Variants in MAP2K2 observed in about 807,000 individuals in gnomAD.
MAP2K2 encodes dual specificity mitogen-activated protein kinase kinase 2.
Under a neutral mutation model 43.7 loss-of-function variants are expected in MAP2K2, and 24 were observed. That is an observed-to-expected ratio of 0.55 (90% CI 0.40 to 0.77). The LOEUF is 0.77. MAP2K2 is among the 30% of genes least tolerant of loss of function. The probability of loss-of-function intolerance (pLI) is 0.00; values close to 1 mark genes in which losing one functional copy is unlikely to be tolerated. For synonymous variants in MAP2K2, 244 were observed against 239.7 expected, an observed-to-expected ratio of 1.02 and a Z score of -0.17; for missense variants, 470 against 566.8, an observed-to-expected ratio of 0.83 and a Z score of 1.73.
chr19:4,121,297 G>A (rs978977162), intron 1 of MAP2K2, among the ~76,000 whole-genome samples: 2 of 151,740 alleles, frequency 1.3e-5, no homozygotes, highest in Admixed American at 6.6e-5. Flanking sequence ...AGGGTTTTCC[G>A]GTCCACTCAC....
chr19:4,123,714 C>CG (rs2041333698), intron 1 of MAP2K2, 70 bp downstream of exon 1: 1 of 1,225,168 alleles, frequency 8.2e-7, no homozygotes, highest in Admixed American at 2.3e-5. Context: ...CCCGTCCCCT[C>CG]GCCCCGTCCT....
rs564458253 is a variant in MAP2K2, at chr19:4,105,622, C to T, written c.451-3169G>A. Among the ~76,000 whole-genome samples the T allele has an allele frequency of 2.3e-4, 35 of 152,196 alleles. 1 individual carries two copies. In the South Asian group the frequency reaches 7.1e-3, roughly 31 times the overall value. On this transcript the variant is annotated intron_variant, in intron 3 of 10. Coordinates refer to ENST00000262948, the MANE Select transcript of MAP2K2 (RefSeq NM_030662.4). ...AAATGAGGATAAATAACCTGGACGC[C>T]GCATCACTTCCACCATTCCCCCCTC...
intron 8 of MAP2K2, among the ~76,000 whole-genome samples, chr19:4,095,735 G>C (rs563754555): frequency 6.6e-6 from 1 of 152,306 alleles, no homozygotes; most frequent in African/African-American, 2.4e-5. Flanking sequence ...ACTGGCTGAA[G>C]GATGAGCTTT....
chr19:4,094,116 G>A (rs1455882638), intron 10 of MAP2K2, among the ~76,000 whole-genome samples: 1 of 152,158 alleles, frequency 6.6e-6, no homozygotes, highest in Non-Finnish European at 1.5e-5. Flanking sequence ...AGCCTGGGGG[G>A]CTGAGAGCTG....
rs754109836 is a variant in MAP2K2 at position 4,102,394 on chromosome 19, C to T, written c.510G>A (p.Leu170=). The change falls in exon 4 of 11, where the codon CTG becomes CTA. Residue 170 remains leucine (L), a synonymous_variant. Transcript: ENST00000262948. ...KEAKRIPEEI[L]GKVSIAVLRG... is the part of the protein sequence containing the mutation. Reference sequence around the variant, plus strand: ...GACTCACCGCGATGCTGACTTTCCCCAGGATCTCCTCGGGAATCCTCTTGG... The same window carrying T: ...GACTCACCGCGATGCTGACTTTCCCTAGGATCTCCTCGGGAATCCTCTTGG... The T allele has an allele frequency of 7.5e-6, 12 of 1,604,524 alleles. No individual in the cohort carries two copies. The highest frequency in any genetic ancestry group is 1.3e-5 in the African/African-American group (1 of 74,998).
intron 6 of MAP2K2, chr19:4,100,265 A>AACC (rs2040985146): frequency 6.6e-6 from 1 of 151,822 alleles, no homozygotes; most frequent in Admixed American, 6.6e-5. Context: ...CAACAACAAC[A>AACC]AAAACAAAAA....
intron 10 of MAP2K2, among the ~76,000 whole-genome samples, chr19:4,091,859 G>C (rs2040858448): frequency 6.6e-6 from 1 of 152,194 alleles, no homozygotes; most frequent in Non-Finnish European, 1.5e-5. Context: ...ATGTTGCCCA[G>C]GCTGGTCTCG....
At chr19:4,098,907 G>A (rs2040959409) in intron 7 of MAP2K2, among the ~76,000 whole-genome samples, 1 of 152,272 alleles carries the variant, frequency 6.6e-6, no homozygotes, top group South Asian at 2.1e-4. Flanking sequence ...GGGATAAAAT[G>A]TTGGAAAATC....
At position 4,124,081 on chromosome 19, in the gene MAP2K2, C is replaced by T; in HGVS notation, c.-206G>A. The T allele has an allele frequency of 4.7e-6, 1 of 213,562 alleles. No homozygotes were observed. The allele number at this position is 213,562 out of a possible 1,614,324, so 13.2% of individuals were successfully genotyped here. A position where few individuals can be genotyped will look rare whatever the true frequency, so the allele number is the denominator to read the frequency against. On this transcript the variant is annotated 5_prime_UTR_variant, in exon 1 of 11. Coordinates refer to ENST00000262948, the MANE Select transcript of MAP2K2 (RefSeq NM_030662.4). ...GAGGCGAGCGAGCCGCTACCGCTGC[C>T]GAGGCCCGAAGAAGGCTGACGCCGC... is the stretch of plus-strand genomic sequence containing the variant.
chr19:4,108,148 G>A (rs2041109914), intron 3 of MAP2K2, among the ~76,000 whole-genome samples: 1 of 152,220 alleles, frequency 6.6e-6, no homozygotes, highest in Admixed American at 6.5e-5. Flanking sequence ...GAGGATGGCA[G>A]GGATGGCCCC....
chr19:4,102,535 G>T (rs973546318), intron 3 of MAP2K2, 82 bp from the exon 4 acceptor site: 1 of 1,125,490 alleles, frequency 8.9e-7, no homozygotes, highest in Non-Finnish European at 1.3e-6. Context: ...TCCCGGCGAG[G>T]GGGTGGTCTG....
Position 4,097,485 on chromosome 19 carries a change from T to G in MAP2K2, c.920-142A>C, listed in dbSNP as rs1160902662. 3 of 677,860 alleles carry G rather than the reference T, an allele frequency of 4.4e-6. No individual in the cohort carries two copies. In the East Asian group the frequency reaches 8.1e-5, roughly 18 times the overall value. 42.0% of individuals were successfully genotyped at this position (677,860 alleles called of 1,614,324 possible). ...ATTGGAGGCGGGTGTGCAGAGGCAC[T>G]GGACAAAGCTCCCCTGCCTGACTCT... is the stretch of plus-strand genomic sequence containing the variant. On this transcript the variant is annotated intron_variant, in intron 7 of 10. Coordinates refer to ENST00000262948, the MANE Select transcript of MAP2K2 (RefSeq NM_030662.4).
chr19:4,105,508 G>A (rs1035502938), intron 3 of MAP2K2, among the ~76,000 whole-genome samples: 2 of 151,986 alleles, frequency 1.3e-5, no homozygotes, highest in Non-Finnish European at 2.9e-5. Flanking sequence ...TCCTGACCTC[G>A]TGATCCGCCC....
At chr19:4,103,682 C>T (rs1247296424) in intron 3 of MAP2K2, among the ~76,000 whole-genome samples, 1 of 152,212 alleles carries the variant, frequency 6.6e-6, no homozygotes, top group African/African-American at 2.4e-5. Context: ...CAGGGGTGCC[C>T]GGGTTGCCGC....
At chr19:4,099,442 C>T (rs1171772039) in intron 6 of MAP2K2, 28 bp from the exon 7 acceptor site, 1 of 1,566,046 alleles carries the variant, frequency 6.4e-7, no homozygotes, top group South Asian at 1.2e-5. Context: ...AGGAAAGAGC[C>T]CAGAGGGGCG....
At position 4,105,515 on chromosome 19, in the gene MAP2K2, G is replaced by A. The variant is rs571575180; in HGVS notation, c.451-3062C>T. ...TCTCGATCTCCTGACCTCGTGATCCGCCCGCCTCGGCCTCCCAAAGTGCTG... is the reference window on the plus strand; with the variant it reads ...TCTCGATCTCCTGACCTCGTGATCCACCCGCCTCGGCCTCCCAAAGTGCTG... On this transcript the variant is annotated intron_variant, in intron 3 of 10. Transcript: ENST00000262948. 1.4e-4 allele frequency among the ~76,000 whole-genome samples: 22 copies of A among 152,078 alleles called. No individual in the cohort carries two copies. In the East Asian group the frequency reaches 2.1e-3, roughly 15 times the overall value.
Position 4,120,821 on chromosome 19 carries a change from C to T in MAP2K2, c.92+2963G>A, listed in dbSNP as rs1413071801. Among the ~76,000 whole-genome samples, 3 of 152,266 alleles carry T rather than the reference C, an allele frequency of 2.0e-5. No homozygotes were observed. In the East Asian group the frequency reaches 5.8e-4, roughly 29 times the overall value. ...AATCCTTCAAGAGATGGGAATCAAACCCCACACGGAAGAGAAATGTGAAGG... is the reference window on the plus strand; with the variant it reads ...AATCCTTCAAGAGATGGGAATCAAATCCCACACGGAAGAGAAATGTGAAGG... On this transcript the variant is annotated intron_variant, in intron 1 of 10. Transcript: ENST00000262948.
Position 4,090,604 on chromosome 19 carries a change from G to C in MAP2K2, c.1197C>G (p.Ala399=). The change falls in exon 11 of 11, where the codon GCC becomes GCG. Residue 399 remains alanine, a synonymous_variant. Transcript: ENST00000262948. Reference sequence around the variant, plus strand: ...GCAGGGAGCCCGGCCACTGTCACACGGCGGTGCGCGTGGGTGTGCCGGGCT... The same window carrying C: ...GCAGGGAGCCCGGCCACTGTCACACCGCGGTGCGCGTGGGTGTGCCGGGCT... ...LNQPGTPTRT[A]V is the part of the protein sequence containing the mutation. 1 of 1,550,970 alleles carries C rather than the reference G, an allele frequency of 6.4e-7. No individual in the cohort carries two copies. The highest frequency in any genetic ancestry group is 8.7e-7 in the Non-Finnish European group (1 of 1,147,310).
rs923607144 is a variant in MAP2K2, at chr19:4,102,812, C to T, written c.451-359G>A. Reference sequence around the variant, plus strand: ...GCTGTGGGGCCCGCACTCCCTGCAGCCTACGTGGTGGGCTTGTCTGTGCGC... The same window carrying T: ...GCTGTGGGGCCCGCACTCCCTGCAGTCTACGTGGTGGGCTTGTCTGTGCGC... On this transcript the variant is annotated intron_variant, in intron 3 of 10. Coordinates refer to ENST00000262948, the MANE Select transcript of MAP2K2 (RefSeq NM_030662.4). The T allele has an allele frequency of 3.7e-5, 46 of 1,227,800 alleles. 1 individual carries two copies. In the South Asian group the frequency reaches 6.8e-4, roughly 18 times the overall value. The allele number at this position is 1,227,800 out of a possible 1,614,324, so 76.1% of individuals were successfully genotyped here.
Sources: gnomAD v4.1 joint callset for allele counts (sites outside exome capture counted in the v4.1 genomes callset) on GRCh38, gnomAD v4.1.1 for gene constraint, MANE v1.5 for transcripts, NCBI Gene and HGNC (gene_info 2026-07-23, HGNC 2026-07-21) for gene names.